Variants in STPG2 observed in about 807,000 individuals in gnomAD.
STPG2 encodes the protein sperm tail PG-rich repeat containing 2.
In STPG2, 56 loss-of-function variants were observed where a neutral mutation model predicts 54.2. That is an observed-to-expected ratio of 1.03 (90% CI 0.83 to 1.29). The LOEUF is 1.29. STPG2 is among the 50% of genes most tolerant of loss of function. The probability of loss-of-function intolerance (pLI) is 0.00; values close to 1 mark genes in which losing one functional copy is unlikely to be tolerated. For missense variants in STPG2, 596 were observed against 544.9 expected, an observed-to-expected ratio of 1.09 and a Z score of -0.93; for synonymous variants, 200 against 181.8, an observed-to-expected ratio of 1.10 and a Z score of -0.81.
At chr4:97,828,618 G>A (rs995368377) in intron 9 of STPG2, among the ~76,000 whole-genome samples, 4 of 152,138 alleles carry the variant, frequency 2.6e-5, no homozygotes, top group Admixed American at 2.6e-4. Context: ...CACCTCCACA[G>A]AGCCCAGCAA....
intron 10 of STPG2, among the ~76,000 whole-genome samples, chr4:97,670,733 G>A (rs1722670193): frequency 6.6e-6 from 1 of 152,146 alleles, no homozygotes; most frequent in South Asian, 2.1e-4. Flanking sequence ...GTGATTTTCT[G>A]TCATTACCAA....
intron 9 of STPG2, among the ~76,000 whole-genome samples, chr4:97,817,812 T>C (rs1727960582): frequency 6.6e-6 from 1 of 151,932 alleles, no homozygotes; most frequent in South Asian, 2.1e-4. Context: ...TCTTAAAATT[T>C]TCTTTTCCTA....
At chr4:97,731,387 T>G (rs1349452670) in intron 9 of STPG2, among the ~76,000 whole-genome samples, 1 of 152,172 alleles carries the variant, frequency 6.6e-6, no homozygotes, top group Non-Finnish European at 1.5e-5. Context: ...TATATTACAC[T>G]TAAGAGTAAG....
chr4:98,006,051 T>A (rs1254704827), intron 5 of STPG2, among the ~76,000 whole-genome samples: 2 of 152,214 alleles, frequency 1.3e-5, no homozygotes, highest in African/African-American at 4.8e-5. Flanking sequence ...TTACTCAATA[T>A]TGTTTTTCTT....
chr4:98,117,691 A>G (rs940977065), intron 3 of STPG2, among the ~76,000 whole-genome samples: 1 of 151,988 alleles, frequency 6.6e-6, no homozygotes, highest in African/African-American at 2.4e-5. Flanking sequence ...TCTTCAGCCA[A>G]TTCAAATTTT....
At chr4:97,683,163 A>G (rs1021605692) in intron 10 of STPG2, among the ~76,000 whole-genome samples, 1 of 151,820 alleles carries the variant, frequency 6.6e-6, no homozygotes, top group African/African-American at 2.4e-5. Flanking sequence ...TATTTGTATC[A>G]GTTCTCTTTT....
intron 6 of STPG2, among the ~76,000 whole-genome samples, chr4:97,973,624 C>T (rs543661458): frequency 1.3e-4 from 20 of 152,288 alleles, no homozygotes; most frequent in African/African-American, 4.8e-4. Context: ...GGCCTGGAGG[C>T]CTAGGAGGAA....
intron 4 of STPG2, among the ~76,000 whole-genome samples, chr4:97,506,420 G>A (rs985184430): frequency 5.3e-5 from 8 of 151,790 alleles, no homozygotes; most frequent in Non-Finnish European, 8.8e-5. Flanking sequence ...TTTCAAAAAC[G>A]ATGGCAGAAT....
intron 4 of STPG2, among the ~76,000 whole-genome samples, chr4:97,452,165 C>A (rs1391027674): frequency 7.5e-6 from 1 of 134,132 alleles, no homozygotes. Flanking sequence ...CTGTAGCTAT[C>A]CAAACCCTGG....
In STPG2 at chr4:98,134,345, A is replaced by T. The variant is rs1001190303; in HGVS notation, c.222+2T>A. ...AGTCAATTATAGTAACTATAAAGTTACCTGTGCTTCTGAAACATTATAGTG... is the reference window on the plus strand; with the variant it reads ...AGTCAATTATAGTAACTATAAAGTTTCCTGTGCTTCTGAAACATTATAGTG... On this transcript the variant is annotated splice_donor_variant, in intron 2 of 10. Coordinates refer to ENST00000295268, the MANE Select transcript of STPG2 (RefSeq NM_174952.3). LOFTEE classifies it high-confidence loss of function. The T allele has an allele frequency of 6.6e-7, 1 of 1,519,238 alleles. No individual in the cohort carries two copies. Among genetic ancestry groups the T allele is most frequent in the Non-Finnish European group, 8.9e-7 (1 of 1,125,382 alleles). 94.1% of individuals were successfully genotyped at this position (1,519,238 alleles called of 1,614,324 possible).
At chr4:97,722,918 C>T (rs567414142) in intron 9 of STPG2, among the ~76,000 whole-genome samples, 64 of 150,502 alleles carry the variant, frequency 4.3e-4, no homozygotes, top group African/African-American at 1.5e-3. Context: ...CTGCCTCAGC[C>T]TCCTGAGTAG....
intron 6 of STPG2, among the ~76,000 whole-genome samples, chr4:97,978,477 T>G (rs552317020): frequency 6.6e-6 from 1 of 151,776 alleles, no homozygotes; most frequent in Non-Finnish European, 1.5e-5. Context: ...AATGGACACA[T>G]AGAGAGGAAC....
intron 5 of STPG2, among the ~76,000 whole-genome samples, chr4:98,061,476 G>T (rs958006602): frequency 1.3e-5 from 2 of 152,028 alleles, no homozygotes; most frequent in African/African-American, 4.8e-5. Flanking sequence ...AACAGTGAGG[G>T]GGAAATCTGC....
chr4:97,466,870 T>C (rs1729800589), intron 4 of STPG2, among the ~76,000 whole-genome samples: 3 of 152,040 alleles, frequency 2.0e-5, no homozygotes, highest in Non-Finnish European at 4.4e-5. Context: ...TATCATGCAT[T>C]CAAGTGTGAA....
At chr4:97,798,235 T>C (rs1727267354) in intron 9 of STPG2, among the ~76,000 whole-genome samples, 1 of 152,204 alleles carries the variant, frequency 6.6e-6, no homozygotes, top group Non-Finnish European at 1.5e-5. Flanking sequence ...CTTTTGAATG[T>C]GTTTGCTCTT....
rs577531735 is a variant in STPG2 at position 97,615,658 on chromosome 4, G to C, written c.1321-56541C>G. ...ACAATATATAATGTATATTTTTACC[G>C]ATATATCAATTGTTTGTGGCCAGAT... On this transcript the variant is annotated intron_variant, in intron 10 of 10. Coordinates refer to ENST00000295268, the MANE Select transcript of STPG2 (RefSeq NM_174952.3). Among the ~76,000 whole-genome samples the C allele has an allele frequency of 3.9e-5, 6 of 151,920 alleles. No individual in the cohort carries two copies. The South Asian group carries it at 1.0e-3, about 26-fold the overall frequency.
intron 5 of STPG2, among the ~76,000 whole-genome samples, chr4:97,981,711 C>T (rs967453177): frequency 1.3e-5 from 2 of 150,862 alleles, no homozygotes; most frequent in African/African-American, 2.4e-5. Flanking sequence ...GAAAAAGTTC[C>T]TCAACATGTA....
At chr4:97,637,544 A>C (rs1448858663) in intron 10 of STPG2, among the ~76,000 whole-genome samples, 2 of 152,190 alleles carry the variant, frequency 1.3e-5, no homozygotes, top group Non-Finnish European at 2.9e-5. Context: ...GAAAAGAGGA[A>C]GTCAAATTGT....
At chr4:97,941,432 T>C (rs927552913) in intron 8 of STPG2, among the ~76,000 whole-genome samples, 5 of 152,158 alleles carry the variant, frequency 3.3e-5, no homozygotes, top group African/African-American at 9.6e-5. Flanking sequence ...TCTAGAATGC[T>C]CAGTAAACAG....
Sources: allele counts gnomAD v4.1 joint callset (sites outside exome capture counted in the v4.1 genomes callset), GRCh38; gene constraint gnomAD v4.1.1; transcripts MANE v1.5; gene names NCBI Gene and HGNC (gene_info 2026-07-23, HGNC 2026-07-21).